CBL: variants seen among roughly 807,000 people sequenced by gnomAD.
CBL encodes the protein E3 ubiquitin-protein ligase CBL.
CBL carries 45 observed loss-of-function variants against 96.9 expected under a neutral mutation model. The observed-to-expected ratio is 0.46, with a 90% CI of 0.37 to 0.60. The LOEUF (loss-of-function observed/expected upper bound fraction) is 0.60, where lower values mean the gene tolerates loss of function less well. CBL is among the 20% of genes least tolerant of loss of function. The probability of loss-of-function intolerance (pLI) is 0.00; values close to 1 mark genes in which losing one functional copy is unlikely to be tolerated. For synonymous variants in CBL, 420 were observed against 426.8 expected, an observed-to-expected ratio of 0.98 and a Z score of 0.20; for missense variants, 1,024 against 1,143.5, an observed-to-expected ratio of 0.90 and a Z score of 1.51.
At position 119,279,358 on chromosome 11, in the gene CBL, A is replaced by T. The variant is rs1387519661; in HGVS notation, c.1431+645A>T. 2.6e-5 allele frequency among the ~76,000 whole-genome samples: 4 copies of T among 152,160 alleles called. No individual in the cohort carries two copies. In the East Asian group the frequency reaches 7.7e-4, roughly 29 times the overall value. On this transcript the variant is annotated intron_variant, in intron 9 of 15. Coordinates refer to ENST00000264033, the MANE Select transcript of CBL (RefSeq NM_005188.4). ...CTACCCCTGACTCCAAAACAAAACA[A>T]AAAAAAGCTGGGTATGGTGTTGTGC...
intron 1 of CBL, among the ~76,000 whole-genome samples, chr11:119,227,920 T>G (rs1198242564): frequency 6.6e-6 from 1 of 152,204 alleles, no homozygotes; most frequent in African/African-American, 2.4e-5. Flanking sequence ...TTCAGATACC[T>G]TGTCTTTTTA....
Position 119,278,268 on chromosome 11 carries a change from A to T in CBL, c.1198A>T (p.Met400Leu), listed in dbSNP as rs878856172. 6 of 1,613,590 alleles carry T rather than the reference A, an allele frequency of 3.7e-6. No individual in the cohort carries two copies. The highest frequency in any genetic ancestry group is 5.1e-6 in the Non-Finnish European group (6 of 1,179,496). Residue 400 changes from methionine to leucine, a missense_variant, in exon 8 of 16, where the codon ATG becomes TTG. This residue lies in a region of CBL where 695 missense variants were observed against 661.6 expected (regional missense o/e 1.05). Transcript: ENST00000264033. Reference sequence around the variant, plus strand: ...AAAGATTGAGCCCTGTGGACACCTCATGTGCACATCCTGTCTTACATCCTG... The same window carrying T: ...AAAGATTGAGCCCTGTGGACACCTCTTGTGCACATCCTGTCTTACATCCTG... ...DVKIEPCGHL[M>L]CTSCLTSWQE...
rs896873617 is a variant in CBL at position 119,277,980 on chromosome 11, T to G, written c.1095+136T>G. The G allele has an allele frequency of 1.0e-5, 9 of 871,626 alleles. No homozygotes were observed. The African/African-American group carries it at 1.5e-4, about 15-fold the overall frequency. The allele number at this position is 871,626 out of a possible 1,614,324, so 54.0% of individuals were successfully genotyped here. Reference sequence around the variant, plus strand: ...AATTTGTGTGTATGTGGTTTCACTTTAAACCCTGGAGCTTAAAATAGGACC... The same window carrying G: ...AATTTGTGTGTATGTGGTTTCACTTGAAACCCTGGAGCTTAAAATAGGACC... On this transcript the variant is annotated intron_variant, in intron 7 of 15. Transcript: ENST00000264033.
intron 1 of CBL, among the ~76,000 whole-genome samples, chr11:119,210,858 C>T (rs1019823436): frequency 6.6e-6 from 1 of 151,988 alleles, no homozygotes; most frequent in Non-Finnish European, 1.5e-5. Context: ...AGTAATCCTC[C>T]ATTATTCTAG....
Position 119,299,568 on chromosome 11 carries a change from A to T in CBL, c.2508A>T (p.Lys836Asn). 1 of 1,614,222 alleles carries T rather than the reference A, an allele frequency of 6.2e-7. No individual in the cohort carries two copies. The highest frequency in any genetic ancestry group is 8.5e-7 in the Non-Finnish European group (1 of 1,180,042). The change falls in exon 16 of 16, where the codon AAA becomes AAT. Residue 836 changes from lysine to asparagine, a missense_variant. Around this residue, in one of 4 missense-constraint regions of CBL, gnomAD observed 695 missense variants for 661.6 expected, o/e 1.05. Transcript: ENST00000264033. ...PFPRRINSER[K>N]AGSCQQGSGP... is the part of the protein sequence containing the mutation. Reference sequence around the variant, plus strand: ...CGCGGAGAATCAACTCTGAACGGAAAGCTGGCAGCTGTCAGCAAGGTAGTG... The same window carrying T: ...CGCGGAGAATCAACTCTGAACGGAATGCTGGCAGCTGTCAGCAAGGTAGTG...
chr11:119,270,226 G>A (rs1262626496), intron 2 of CBL, among the ~76,000 whole-genome samples: 1 of 148,120 alleles, frequency 6.8e-6, no homozygotes, highest in Non-Finnish European at 1.5e-5. Context: ...TATGTTAAAT[G>A]GTACTGTGTG....
intron 2 of CBL, among the ~76,000 whole-genome samples, chr11:119,261,891 C>G (rs776005400): frequency 6.6e-6 from 1 of 151,948 alleles, no homozygotes; most frequent in Non-Finnish European, 1.5e-5. Context: ...ACTAAAGATA[C>G]TAATGTAAAA....
intron 6 of CBL, among the ~76,000 whole-genome samples, chr11:119,277,237 TCG>T (rs1345403027): frequency 5.1e-3 from 293 of 57,894 alleles, no homozygotes; most frequent in African/African-American, 0.025. Context: ...TAAGAATCTG[TCG>T]CGCACACACA....
intron 2 of CBL, among the ~76,000 whole-genome samples, chr11:119,261,737 G>A (rs759901572): frequency 3.9e-5 from 6 of 152,156 alleles, no homozygotes; most frequent in Non-Finnish European, 5.9e-5. Context: ...TTCAGAGCTC[G>A]GGTTAAGTGA....
Position 119,277,856 on chromosome 11 carries a change from T to G in CBL, c.1095+12T>G. On this transcript the variant is annotated intron_variant, in intron 7 of 15. Transcript: ENST00000264033. ...TCAAAGTGACCCAGGTGAGTTTTGT[T>G]TCACATGATAACCATATCACTGGAC... 1 of 1,565,496 alleles carries G rather than the reference T, an allele frequency of 6.4e-7. No individual in the cohort carries two copies. The highest frequency in any genetic ancestry group is 8.8e-7 in the Non-Finnish European group (1 of 1,135,610).
intron 1 of CBL, among the ~76,000 whole-genome samples, chr11:119,213,872 A>G (rs185290867): frequency 2.6e-5 from 4 of 152,078 alleles, no homozygotes; most frequent in Non-Finnish European, 4.4e-5. Flanking sequence ...GCACCCAACT[A>G]GTAGTTGGCT....
Position 119,274,755 on chromosome 11 carries a change from T to G in CBL, c.748-77T>G. 2.9e-6 allele frequency: 4 copies of G among 1,357,534 alleles called. No homozygotes were observed. In the East Asian group the frequency reaches 9.4e-5, roughly 32 times the overall value. 84.1% of individuals were successfully genotyped at this position (1,357,534 alleles called of 1,614,324 possible). A position where few individuals can be genotyped will look rare whatever the true frequency, so the allele number is the denominator to read the frequency against. On this transcript the variant is annotated intron_variant, in intron 4 of 15. Transcript: ENST00000264033. ...ACAATGAACTGAGAGTTGGTGTTGT[T>G]TTTTTTTTTTCTCATTGCCCTCTGA...
Position 119,261,626 on chromosome 11 carries a change from G to A in CBL, c.444-10109G>A, listed in dbSNP as rs1292163726. On this transcript the variant is annotated intron_variant, in intron 2 of 15. Transcript: ENST00000264033. ...CTGATATGTTTGTATATGTCTTTAA[G>A]GAACTGGTGTAGAGAAGTAGTAACC... 2.0e-5 allele frequency among the ~76,000 whole-genome samples: 3 copies of A among 152,310 alleles called. No homozygotes were observed. The East Asian group carries it at 5.8e-4, about 29-fold the overall frequency.
At chr11:119,225,777 G>A (rs1949454063) in intron 1 of CBL, among the ~76,000 whole-genome samples, 1 of 126,344 alleles carries the variant, frequency 7.9e-6, no homozygotes, top group Admixed American at 1.0e-4. Flanking sequence ...GCCCATGCTA[G>A]AGTGCAAAGG....
In CBL at chr11:119,270,449, T is replaced by A. The variant is rs1277938431; in HGVS notation, c.444-1286T>A. 6.6e-3 allele frequency among the ~76,000 whole-genome samples: 654 copies of A among 98,482 alleles called. 3 individuals are homozygous for A. The highest frequency in any genetic ancestry group is 0.017 in the East Asian group (60 of 3,430). The allele number at this position is 98,482 out of a possible 152,430, so 64.6% of individuals were successfully genotyped here. A position where few individuals can be genotyped will look rare whatever the true frequency, so the allele number is the denominator to read the frequency against. ...ATATATATATATATTTTTTTTTTTT[T>A]TTTTTTTTTTTTTTTGAGACGGAGT... On this transcript the variant is annotated intron_variant, in intron 2 of 15. Transcript: ENST00000264033.
intron 2 of CBL, among the ~76,000 whole-genome samples, chr11:119,245,771 A>G (rs1235667471): frequency 4.6e-5 from 7 of 151,908 alleles, no homozygotes; most frequent in Admixed American, 6.6e-5. Flanking sequence ...GTTTTGCTCA[A>G]CCTTCTTCAT....
At chr11:119,237,934 C>T (rs183257536) in intron 2 of CBL, among the ~76,000 whole-genome samples, 2 of 147,182 alleles carry the variant, frequency 1.4e-5, no homozygotes, top group African/African-American at 5.0e-5. Context: ...TGCAGTGGCG[C>T]CATCTTGGCT....
intron 1 of CBL, among the ~76,000 whole-genome samples, chr11:119,217,982 T>G (rs1949376682): frequency 6.6e-6 from 1 of 151,978 alleles, no homozygotes; most frequent in African/African-American, 2.4e-5. Flanking sequence ...GAGGCTGAGG[T>G]GGGAAGATCA....
chr11:119,257,518 TG>T (rs1042523974), intron 2 of CBL, among the ~76,000 whole-genome samples: 1 of 152,200 alleles, frequency 6.6e-6, no homozygotes, highest in Non-Finnish European at 1.5e-5. Context: ...ATTAGACCTT[TG>T]TTGGATGCAT....
Sources: gnomAD v4.1 joint callset for allele counts (sites outside exome capture counted in the v4.1 genomes callset) on GRCh38, gnomAD v4.1.1 for gene constraint, gnomAD v4.1.1 regional missense constraint, MANE v1.5 for transcripts, NCBI Gene and HGNC (gene_info 2026-07-23, HGNC 2026-07-21) for gene names.